Variants in MCTP2 observed in about 807,000 individuals in gnomAD.
MCTP2 encodes multiple C2 and transmembrane domain-containing protein 2.
A neutral mutation model predicts 111.6 loss-of-function variants in MCTP2; 132 were observed. The observed-to-expected ratio is 1.18, with a 90% CI of 1.03 to 1.37. The LOEUF (loss-of-function observed/expected upper bound fraction) is 1.37, where lower values mean the gene tolerates loss of function less well. Among genes scored for constraint, MCTP2 ranks in the 40% most tolerant of loss-of-function variants. MCTP2 has a pLI of 0.00. For synonymous variants in MCTP2, 395 were observed against 387.7 expected, an observed-to-expected ratio of 1.02 and a Z score of -0.22; for missense variants, 1,183 against 1,067.9, an observed-to-expected ratio of 1.11 and a Z score of -1.50.
Position 94,241,065 on chromosome 15 carries a change from G to A in MCTP2, c.-66+9401G>A, listed in dbSNP as rs145920102. On this transcript the variant is annotated intron_variant, in intron 1 of 22. Coordinates refer to ENST00000357742, the MANE Select transcript of MCTP2 (RefSeq NM_001385001.1). ...GGATGTTTTGGTTATCGTGGTCTTC[G>A]AGAAGCTGGGGTTACTTCTCTGAAT... is the stretch of plus-strand genomic sequence containing the variant. Among the ~76,000 whole-genome samples the A allele has an allele frequency of 6.0e-3, 919 of 152,226 alleles. 1 individual carries two copies. Among genetic ancestry groups the A allele is most frequent in the African/African-American group, 0.021 (876 of 41,524 alleles).
At chr15:94,257,046 T>G (rs1160809645) in intron 1 of MCTP2, among the ~76,000 whole-genome samples, 1 of 152,172 alleles carries the variant, frequency 6.6e-6, no homozygotes, top group Non-Finnish European at 1.5e-5. Context: ...TTCTCTGACA[T>G]CATCTTATTC....
intron 1 of MCTP2, among the ~76,000 whole-genome samples, chr15:94,246,909 A>T (rs1366149410): frequency 6.6e-6 from 1 of 152,206 alleles, no homozygotes; most frequent in Admixed American, 6.5e-5. Context: ...TGCTACTGTA[A>T]TGGAATGCCT....
At chr15:94,240,566 T>C (rs2070873984) in intron 1 of MCTP2, among the ~76,000 whole-genome samples, 1 of 152,194 alleles carries the variant, frequency 6.6e-6, no homozygotes, top group Non-Finnish European at 1.5e-5. Flanking sequence ...AAATCCTTCA[T>C]GACAGGGGAG....
chr15:94,423,836 T>C lies in MCTP2; in HGVS notation c.2086-16340T>C, dbSNP rs548992288. Among the ~76,000 whole-genome samples, 4 of 152,318 alleles carry C rather than the reference T, an allele frequency of 2.6e-5. No homozygotes were observed. In the East Asian group the frequency reaches 7.7e-4, roughly 29 times the overall value. On this transcript the variant is annotated intron_variant, in intron 17 of 22. Coordinates refer to ENST00000357742, the MANE Select transcript of MCTP2 (RefSeq NM_001385001.1). Reference sequence around the variant, plus strand: ...TGTAAGGGAAAGCAAATGTAAAATATGTCACATGTACAAGGGAGTTTGTAA... The same window carrying C: ...TGTAAGGGAAAGCAAATGTAAAATACGTCACATGTACAAGGGAGTTTGTAA...
rs183022392 is a variant in MCTP2, at chr15:94,469,161, A to G, written c.2361-1172A>G. On this transcript the variant is annotated intron_variant, in intron 20 of 22. Coordinates refer to ENST00000357742, the MANE Select transcript of MCTP2 (RefSeq NM_001385001.1). ...TTCCCTCTAAAATCCCGTCTCCCATAAAAAACATTCTACCTTTCTGTATTC... is the reference window on the plus strand; with the variant it reads ...TTCCCTCTAAAATCCCGTCTCCCATGAAAAACATTCTACCTTTCTGTATTC... Among the ~76,000 whole-genome samples, 9 of 152,192 alleles carry G rather than the reference A, an allele frequency of 5.9e-5. No individual in the cohort carries two copies. In the East Asian group the frequency reaches 1.8e-3, roughly 30 times the overall value.
chr15:94,302,552 T>A (rs1596307994), intron 2 of MCTP2, among the ~76,000 whole-genome samples: 1 of 152,126 alleles, frequency 6.6e-6, no homozygotes, highest in Non-Finnish European at 1.5e-5. Flanking sequence ...AAAGGATACA[T>A]CCGTGGAAGA....
intron 10 of MCTP2, among the ~76,000 whole-genome samples, chr15:94,367,053 C>T (rs2079219083): frequency 6.6e-6 from 1 of 152,206 alleles, no homozygotes; most frequent in African/African-American, 2.4e-5. Flanking sequence ...CTGGGGAAAC[C>T]CTGTGGCACT....
intron 19 of MCTP2, among the ~76,000 whole-genome samples, chr15:94,447,538 C>A (rs1272313519): frequency 2.0e-5 from 3 of 152,050 alleles, no homozygotes; most frequent in Non-Finnish European, 4.4e-5. Context: ...GAGACTACAG[C>A]CATGTGCCAC....
In MCTP2 at chr15:94,319,843, C is replaced by A. The variant is rs74028527; in HGVS notation, c.637+4206C>A. On this transcript the variant is annotated intron_variant, in intron 4 of 22. Coordinates refer to ENST00000357742, the MANE Select transcript of MCTP2 (RefSeq NM_001385001.1). ...TGATATGCTAAAGTACTAACTATAACATGTTTTTGGCTTATCTATGCATTT... is the reference window on the plus strand; with the variant it reads ...TGATATGCTAAAGTACTAACTATAAAATGTTTTTGGCTTATCTATGCATTT... 2.7e-3 allele frequency among the ~76,000 whole-genome samples: 416 copies of A among 152,266 alleles called. 5 individuals carry two copies. Among genetic ancestry groups the A allele is most frequent in the African/African-American group, 9.5e-3 (394 of 41,552 alleles).
intron 1 of MCTP2, among the ~76,000 whole-genome samples, chr15:94,239,328 C>G (rs1033512973): frequency 6.6e-6 from 1 of 152,170 alleles, no homozygotes; most frequent in Non-Finnish European, 1.5e-5. Context: ...ATCAGCTGTT[C>G]CACCTCCAGT....
chr15:94,354,107 A>G (rs1026858055), intron 8 of MCTP2, among the ~76,000 whole-genome samples: 4 of 152,112 alleles, frequency 2.6e-5, no homozygotes, highest in South Asian at 2.1e-4. Context: ...TCCTATACAT[A>G]TATTCCCATA....
intron 14 of MCTP2, among the ~76,000 whole-genome samples, chr15:94,386,812 C>CAA (rs1464868103): frequency 1.3e-5 from 2 of 151,798 alleles, no homozygotes; most frequent in African/African-American, 2.4e-5. Flanking sequence ...AAAAACAAAA[C>CAA]AAAACAAAAC....
intron 1 of MCTP2, among the ~76,000 whole-genome samples, chr15:94,234,279 T>G (rs764021338): frequency 3.9e-5 from 6 of 152,144 alleles, no homozygotes; most frequent in African/African-American, 7.2e-5. Flanking sequence ...TTTAAGAAAA[T>G]TAATACAAAA....
chr15:94,440,441 A>G, intron 18 of MCTP2, 143 bp downstream of exon 18: 1 of 954,340 alleles, frequency 1.0e-6, no homozygotes, highest in South Asian at 1.6e-5. Context: ...TTTGCAGTGG[A>G]GGTCTTCTAT....
chr15:94,378,640 T>C (rs1270570564), intron 12 of MCTP2, among the ~76,000 whole-genome samples: 1 of 152,202 alleles, frequency 6.6e-6, no homozygotes, highest in Non-Finnish European at 1.5e-5. Context: ...TTTAGCAAGG[T>C]GAAGTCCTAT....
chr15:94,340,700 A>C (rs12902038), intron 6 of MCTP2, 113 bp from the exon 7 acceptor site: 4 of 601,842 alleles, frequency 6.6e-6, no homozygotes, highest in Non-Finnish European at 1.2e-5. Flanking sequence ...TCTTAACATC[A>C]TGTCTAATCC....
chr15:94,344,376 T>A (rs1023405536), intron 7 of MCTP2, among the ~76,000 whole-genome samples: 1 of 152,212 alleles, frequency 6.6e-6, no homozygotes, highest in Non-Finnish European at 1.5e-5. Context: ...AGGTTTATAA[T>A]TGAGTTGTAA....
intron 21 of MCTP2, among the ~76,000 whole-genome samples, chr15:94,475,989 T>C (rs958089463): frequency 6.6e-6 from 1 of 152,176 alleles, no homozygotes; most frequent in Non-Finnish European, 1.5e-5. Context: ...CGCACCGACG[T>C]TGTGATCCAT....
Position 94,464,257 on chromosome 15 carries a change from T to TTATATA in MCTP2, c.2360+6028_2360+6033dup, listed in dbSNP as rs1555481313. Among the ~76,000 whole-genome samples, 238 of 44,934 alleles carry TTATATA rather than the reference T, an allele frequency of 5.3e-3. 9 individuals are homozygous for TTATATA. The highest frequency in any genetic ancestry group is 0.013 in the African/African-American group (222 of 16,676). The allele number at this position is 44,934 out of a possible 152,430, so 29.5% of individuals were successfully genotyped here. On this transcript the variant is annotated intron_variant, in intron 20 of 22. Transcript: ENST00000357742. ...TATATATAATATATATATATATATA[T>TTATATA]TATATATATATATATATATATAAAC...
Sources: allele counts gnomAD v4.1 joint callset (sites outside exome capture counted in the v4.1 genomes callset), GRCh38; gene constraint gnomAD v4.1.1; transcripts MANE v1.5; gene names NCBI Gene and HGNC (gene_info 2026-07-23, HGNC 2026-07-21).